SORCS3: variants seen among roughly 807,000 people sequenced by gnomAD.
SORCS3 encodes VPS10 domain-containing receptor SorCS3.
Under a neutral mutation model 146.3 loss-of-function variants are expected in SORCS3, and 57 were observed. The ratio of observed to expected loss-of-function variants is 0.39; its 90% CI spans 0.31 to 0.49. The LOEUF (loss-of-function observed/expected upper bound fraction) is 0.49. Ranked by LOEUF, SORCS3 falls within the 20% of genes least tolerant of loss-of-function variation. SORCS3 has a pLI of 0.92. For synonymous variants in SORCS3, 653 were observed against 618.5 expected (o/e 1.06, Z -0.83); for missense variants, 1,341 against 1,575.5 (o/e 0.85, Z 2.52).
chr10:105,131,199 T>C (rs1450524920), intron 7 of SORCS3, among the ~76,000 whole-genome samples: 1 of 152,178 alleles, frequency 6.6e-6, no homozygotes, highest in Non-Finnish European at 1.5e-5. Context: ...ATAAATAATA[T>C]GAACTGAATT....
At chr10:104,874,646 A>G (rs2018552515) in intron 2 of SORCS3, among the ~76,000 whole-genome samples, 2 of 152,136 alleles carry the variant, frequency 1.3e-5, no homozygotes, top group African/African-American at 2.4e-5. Flanking sequence ...AATGGCTACT[A>G]TATATTCCAG....
intron 2 of SORCS3, among the ~76,000 whole-genome samples, chr10:104,863,343 C>T (rs1264358654): frequency 6.6e-6 from 1 of 152,202 alleles, no homozygotes; most frequent in Non-Finnish European, 1.5e-5. Flanking sequence ...ACATCCCTGC[C>T]TTTACTGATG....
intron 5 of SORCS3, among the ~76,000 whole-genome samples, chr10:105,080,769 G>A (rs1169929527): frequency 5.9e-5 from 9 of 152,180 alleles, no homozygotes; most frequent in African/African-American, 2.2e-4. Flanking sequence ...TGGCTAGCCA[G>A]TTATCCCAGC....
chr10:104,920,412 G>T (rs2019075632), intron 3 of SORCS3, among the ~76,000 whole-genome samples: 1 of 152,200 alleles, frequency 6.6e-6, no homozygotes, highest in African/African-American at 2.4e-5. Context: ...GGAAGCAGAG[G>T]TGTTAACCTG....
chr10:105,263,469 C>A lies in SORCS3; in HGVS notation c.*95C>A. ...TGGAAAAATTAAAATGTCTTTTTTA[C>A]CTTTTGTTTACCAAGGGCCCCTTCA... On this transcript the variant is annotated 3_prime_UTR_variant, in exon 27 of 27. Transcript: ENST00000369701. 7.8e-7 allele frequency: 1 copy of A among 1,289,038 alleles called. No homozygotes were observed. Among genetic ancestry groups the A allele is most frequent in the Non-Finnish European group, 1.1e-6 (1 of 915,356 alleles). The allele number at this position is 1,289,038 out of a possible 1,614,324, so 79.9% of individuals were successfully genotyped here.
chr10:104,803,970 C>T (rs1182771788), intron 1 of SORCS3, among the ~76,000 whole-genome samples: 2 of 152,208 alleles, frequency 1.3e-5, no homozygotes, highest in Non-Finnish European at 2.9e-5. Flanking sequence ...TCTTTTACCA[C>T]ACAAGACTGA....
In SORCS3 at chr10:104,850,617, A is replaced by G. The variant is rs890463240; in HGVS notation, c.695+7758A>G. The stretch of plus-strand genomic sequence containing the variant: ...AATAAAAGCTCCTTGGTTGATTCTG[A>G]TCCTAGGTAGGATTGGGAACCACTG... On this transcript the variant is annotated intron_variant, in intron 2 of 26. Transcript: ENST00000369701. 4.6e-5 allele frequency among the ~76,000 whole-genome samples: 7 copies of G among 152,156 alleles called. 1 individual carries two copies. Among genetic ancestry groups the G allele is most frequent in the Non-Finnish European group, 1.0e-4 (7 of 68,026 alleles).
chr10:104,866,363 T>G (rs1055970913), intron 2 of SORCS3, among the ~76,000 whole-genome samples: 1 of 152,192 alleles, frequency 6.6e-6, no homozygotes, highest in African/African-American at 2.4e-5. Context: ...TTACCAGATT[T>G]ATGGGTCTAG....
At chr10:104,982,122 G>A (rs1197088593) in intron 4 of SORCS3, among the ~76,000 whole-genome samples, 3 of 152,122 alleles carry the variant, frequency 2.0e-5, no homozygotes, top group Non-Finnish European at 4.4e-5. Flanking sequence ...AGTAGCTGAC[G>A]GATTGACAGA....
chr10:104,667,933 A>C (rs1157260742), intron 1 of SORCS3, among the ~76,000 whole-genome samples: 4 of 152,110 alleles, frequency 2.6e-5, no homozygotes, highest in Admixed American at 1.3e-4. Context: ...GGATGTAAGG[A>C]GGCCTCATAC....
rs765075175 is a variant in SORCS3 at position 104,643,712 on chromosome 10, GT to G, written c.627+1759del. ...TTCATTTTAGTTTGATAATTAGGGTGTGTGTGTGTGTGTGTGTGTGTGTGTG... is the reference window on the plus strand; with the variant it reads ...TTCATTTTAGTTTGATAATTAGGGTGGTGTGTGTGTGTGTGTGTGTGTGTG... On this transcript the variant is annotated intron_variant, in intron 1 of 26. Transcript: ENST00000369701. Among the ~76,000 whole-genome samples the G allele has an allele frequency of 8.6e-3, 1,068 of 124,824 alleles. 8 individuals are homozygous for G. The highest frequency in any genetic ancestry group is 0.011 in the Non-Finnish European group (643 of 56,778). 81.9% of individuals were successfully genotyped at this position (124,824 alleles called of 152,430 possible). A position where few individuals can be genotyped will look rare whatever the true frequency, so the allele number is the denominator to read the frequency against.
At chr10:105,236,713 T>C (rs1375651221) in intron 20 of SORCS3, among the ~76,000 whole-genome samples, 2 of 152,152 alleles carry the variant, frequency 1.3e-5, no homozygotes, top group East Asian at 1.9e-4. Flanking sequence ...CTGATAGGTA[T>C]ATGACTAAAA....
intron 1 of SORCS3, among the ~76,000 whole-genome samples, chr10:104,792,051 G>A (rs1442178533): frequency 6.6e-6 from 1 of 151,988 alleles, no homozygotes; most frequent in African/African-American, 2.4e-5. Context: ...CTTTTGCCAA[G>A]ATCAGAGTTG....
chr10:104,735,720 G>A (rs770145889), intron 1 of SORCS3, among the ~76,000 whole-genome samples: 2 of 151,984 alleles, frequency 1.3e-5, no homozygotes, highest in Admixed American at 6.6e-5. Flanking sequence ...AATTGAAGTC[G>A]GCTTTGGGGA....
At chr10:104,863,702 G>T (rs2018430155) in intron 2 of SORCS3, among the ~76,000 whole-genome samples, 1 of 152,132 alleles carries the variant, frequency 6.6e-6, no homozygotes, top group African/African-American at 2.4e-5. Context: ...CCAAGCATCA[G>T]GTAGCTTCAT....
intron 2 of SORCS3, among the ~76,000 whole-genome samples, chr10:104,859,063 T>C (rs1280285344): frequency 2.6e-5 from 4 of 151,916 alleles, no homozygotes; most frequent in African/African-American, 9.7e-5. Flanking sequence ...GTGTGTGTGG[T>C]GTGTGTATGT....
intron 8 of SORCS3, among the ~76,000 whole-genome samples, chr10:105,141,778 A>T (rs1445199044): frequency 6.6e-6 from 1 of 152,206 alleles, no homozygotes; most frequent in African/African-American, 2.4e-5. Flanking sequence ...GGCATGGGGC[A>T]GGTGATAGGG....
chr10:104,959,852 C>T (rs1187294682), intron 3 of SORCS3, among the ~76,000 whole-genome samples: 2 of 152,260 alleles, frequency 1.3e-5, no homozygotes, highest in East Asian at 3.9e-4. Flanking sequence ...TTATTGTTTT[C>T]ATTTTTTTCT....
intron 3 of SORCS3, among the ~76,000 whole-genome samples, chr10:104,925,415 A>C (rs7902052): frequency 0.046 from 7,033 of 152,262 alleles, 497 homozygotes; most frequent in African/African-American, 0.16. Context: ...AGGAATATGC[A>C]CTACCAGAAT....
Sources: gnomAD v4.1 joint callset for allele counts (sites outside exome capture counted in the v4.1 genomes callset) on GRCh38, gnomAD v4.1.1 for gene constraint, MANE v1.5 for transcripts, NCBI Gene and HGNC (gene_info 2026-07-23, HGNC 2026-07-21) for gene names.